Variants in RHEB observed in about 807,000 individuals in gnomAD.
The protein encoded by RHEB is GTP-binding protein Rheb.
A neutral mutation model predicts 28.8 loss-of-function variants in RHEB; 2 were observed. The ratio of observed to expected loss-of-function variants is 0.07; its 90% confidence interval spans 0.03 to 0.22. The LOEUF (loss-of-function observed/expected upper bound fraction) is 0.22. Ranked by LOEUF, RHEB falls within the 10% of genes least tolerant of loss-of-function variation. The probability of loss-of-function intolerance (pLI) is 1.00; values close to 1 mark genes in which losing one functional copy is unlikely to be tolerated. For synonymous variants in RHEB, 69 were observed against 77.3 expected (o/e 0.89, Z 0.56); for missense variants, 76 against 219.9 (o/e 0.35, Z 4.14).
At chr7:151,471,490 C>A in intron 5 of RHEB, 49 bp from the exon 6 acceptor site, 1 of 1,544,604 alleles carries the variant, frequency 6.5e-7, no homozygotes, top group Non-Finnish European at 8.9e-7. Context: ...GATTGTATTG[C>A]TCAGAAGATA....
At chr7:151,489,319 G>C (rs1354523924) in intron 2 of RHEB, among the ~76,000 whole-genome samples, 1 of 152,136 alleles carries the variant, frequency 6.6e-6, no homozygotes, top group Non-Finnish European at 1.5e-5. Flanking sequence ...AACCGAGCTT[G>C]TTCATCCAGC....
chr7:151,491,100 T>C, intron 1 of RHEB, 86 bp from the exon 2 acceptor site: 2 of 876,450 alleles, frequency 2.3e-6, no homozygotes, highest in South Asian at 1.5e-5. Context: ...AAACCATTAA[T>C]AGATGAAGAC....
At chr7:151,494,587 T>C (rs1226545725) in intron 1 of RHEB, among the ~76,000 whole-genome samples, 1 of 152,202 alleles carries the variant, frequency 6.6e-6, no homozygotes, top group African/African-American at 2.4e-5. Flanking sequence ...ACATCGCAGG[T>C]TGACAGCCAA....
intron 2 of RHEB, among the ~76,000 whole-genome samples, chr7:151,487,178 C>T (rs1584855410): frequency 6.6e-6 from 1 of 152,202 alleles, no homozygotes; most frequent in South Asian, 2.1e-4. Flanking sequence ...TGGCTCACGC[C>T]TGTAGTCCTA....
In RHEB at chr7:151,473,385, C is replaced by T. The variant is rs575280890; in HGVS notation, c.276-1780G>A. 6.1e-4 allele frequency among the ~76,000 whole-genome samples: 93 copies of T among 152,320 alleles called. 1 individual carries two copies. The highest frequency in any genetic ancestry group is 2.1e-3 in the African/African-American group (86 of 41,574). On this transcript the variant is annotated intron_variant, in intron 4 of 7. Transcript: ENST00000262187. ...AAACATCTTCCCCCAGGCAAGCCTT[C>T]AGATGGGACTGCAGCCCCTGCTGAT...
chr7:151,492,945 T>G (rs776410563), intron 1 of RHEB, among the ~76,000 whole-genome samples: 41 of 151,104 alleles, frequency 2.7e-4, no homozygotes, highest in Non-Finnish European at 4.7e-4. Context: ...TTGAGGCGAT[T>G]CTCCTGCCTC....
At chr7:151,501,838 C>G in intron 1 of RHEB, 1 of 507,450 alleles carries the variant, frequency 2.0e-6, no homozygotes, top group Admixed American at 2.5e-5. Flanking sequence ...CCAGCCGCTG[C>G]TGCCCAGAAC....
At chr7:151,507,710 A>AATT (rs911395252) in intron 1 of RHEB, among the ~76,000 whole-genome samples, 1 of 152,186 alleles carries the variant, frequency 6.6e-6, no homozygotes, top group Non-Finnish European at 1.5e-5. Context: ...ATTAAACTGC[A>AATT]ATTATTATTA....
chr7:151,495,723 G>A (rs749973308), intron 1 of RHEB, among the ~76,000 whole-genome samples: 5 of 152,296 alleles, frequency 3.3e-5, no homozygotes, highest in South Asian at 2.1e-4. Flanking sequence ...GGCTGAGGCC[G>A]GTGGATTGCT....
intron 1 of RHEB, among the ~76,000 whole-genome samples, chr7:151,507,810 G>A (rs543931607): frequency 1.3e-5 from 2 of 152,170 alleles, no homozygotes; most frequent in East Asian, 3.9e-4. Flanking sequence ...CAATTATTAT[G>A]CTACCAGATA....
intron 4 of RHEB, among the ~76,000 whole-genome samples, chr7:151,475,901 A>G (rs560090150): frequency 2.6e-5 from 4 of 152,336 alleles, no homozygotes; most frequent in African/African-American, 7.2e-5. Context: ...AAATAAAAGG[A>G]TGTTAAAACA....
chr7:151,516,145 A>G (rs1333635245), intron 1 of RHEB, among the ~76,000 whole-genome samples: 1 of 152,210 alleles, frequency 6.6e-6, no homozygotes, highest in East Asian at 1.9e-4. Context: ...CAGTTAATAC[A>G]AAGCACTCCC....
chr7:151,471,728 T>G, intron 4 of RHEB, 123 bp from the exon 5 acceptor site: 1 of 667,954 alleles, frequency 1.5e-6, no homozygotes, highest in Non-Finnish European at 2.6e-6. Flanking sequence ...TAACATAAAA[T>G]GAACACAAAG....
At chr7:151,519,393 G>A in intron 1 of RHEB, 67 bp downstream of exon 1, 1 of 1,208,080 alleles carries the variant, frequency 8.3e-7, no homozygotes, top group Non-Finnish European at 1.1e-6. Flanking sequence ...CGCAGGCCCG[G>A]CCGCGACCCG....
chr7:151,480,282 G>A (rs1802359407), intron 3 of RHEB, among the ~76,000 whole-genome samples: 1 of 152,086 alleles, frequency 6.6e-6, no homozygotes. Flanking sequence ...GTTAACTTAG[G>A]ATATATATCC....
At chr7:151,500,204 T>C (rs1355806989) in intron 1 of RHEB, among the ~76,000 whole-genome samples, 4 of 152,136 alleles carry the variant, frequency 2.6e-5, no homozygotes, top group African/African-American at 2.4e-5. Flanking sequence ...ATTAGGAAGA[T>C]GAGAATGTGA....
intron 1 of RHEB, among the ~76,000 whole-genome samples, chr7:151,497,398 A>G (rs1802692730): frequency 1.3e-5 from 2 of 152,190 alleles, no homozygotes; most frequent in African/African-American, 4.8e-5. Context: ...TAGGTGATTC[A>G]GCTGCACAGT....
In RHEB at chr7:151,478,009, T is replaced by C. The variant is rs539928230; in HGVS notation, c.193-594A>G. ...CAGGTTCAATTGAGGTATTCAGACT[T>C]TTGGGGACCAAGAGAGTTATTTACT... On this transcript the variant is annotated intron_variant, in intron 3 of 7. Coordinates refer to ENST00000262187, the MANE Select transcript of RHEB (RefSeq NM_005614.4). Among the ~76,000 whole-genome samples the C allele has an allele frequency of 2.0e-5, 3 of 152,208 alleles. No homozygotes were observed. In the East Asian group the frequency reaches 5.8e-4, roughly 29 times the overall value.
chr7:151,493,352 C>T (rs563849348), intron 1 of RHEB, among the ~76,000 whole-genome samples: 1 of 152,290 alleles, frequency 6.6e-6, no homozygotes, highest in Non-Finnish European at 1.5e-5. Context: ...CTTTGTCATT[C>T]TGATCTGAGC....
Sources: allele counts gnomAD v4.1 joint callset (sites outside exome capture counted in the v4.1 genomes callset), GRCh38; gene constraint gnomAD v4.1.1; transcripts MANE v1.5; gene names NCBI Gene and HGNC (gene_info 2026-07-23, HGNC 2026-07-21).